Variants in FER1L6 observed in about 807,000 individuals in gnomAD.
FER1L6 encodes the protein fer-1 like family member 6.
FER1L6 carries 177 observed loss-of-function variants against 219.2 expected under a neutral mutation model. That is an observed-to-expected ratio of 0.81 (90% CI 0.71 to 0.91). The LOEUF is 0.91. Ranked by LOEUF, FER1L6 falls within the 40% of genes least tolerant of loss-of-function variation. The pLI is 0.00. For missense variants in FER1L6, 2,153 were observed against 2,259.9 expected (o/e 0.95, Z 0.96); for synonymous variants, 768 against 824.3 (o/e 0.93, Z 1.17).
At chr8:124,021,341 G>A (rs987268394) in intron 16 of FER1L6, among the ~76,000 whole-genome samples, 1 of 152,074 alleles carries the variant, frequency 6.6e-6, no homozygotes, top group African/African-American at 2.4e-5. Flanking sequence ...CTTCTCATCT[G>A]TCAAGCAGAG....
chr8:124,046,872 G>C (rs1262929616), intron 21 of FER1L6: 1 of 152,222 alleles, frequency 6.6e-6, no homozygotes, highest in Non-Finnish European at 1.5e-5. Context: ...ACTTTTGCCT[G>C]TACAGGTGGT....
rs1438702625 is a variant in FER1L6, at chr8:123,852,837, G to A, written c.-8+652G>A. Among the ~76,000 whole-genome samples the A allele has an allele frequency of 1.3e-5, 2 of 152,026 alleles. No individual in the cohort carries two copies. The highest frequency in any genetic ancestry group is 1.3e-4 in the Admixed American group (2 of 15,238). ...ATTTGGATTTCACAAGTTTTTCCACGAATGTCTTTTTCTGTTCTAGGAGCC... is the reference window on the plus strand; with the variant it reads ...ATTTGGATTTCACAAGTTTTTCCACAAATGTCTTTTTCTGTTCTAGGAGCC... On this transcript the variant is annotated intron_variant, in intron 1 of 40. Transcript: ENST00000522917. The surrounding 1 kb of genome is among the most constrained non-coding windows in gnomAD (Gnocchi z 4.9).
At chr8:123,937,807 G>T (rs1378644849) in intron 1 of FER1L6, among the ~76,000 whole-genome samples, 1 of 151,922 alleles carries the variant, frequency 6.6e-6, no homozygotes, top group Non-Finnish European at 1.5e-5. Flanking sequence ...TGATATCAAA[G>T]TAATTGATGG....
intron 20 of FER1L6, chr8:124,040,746 C>G (rs958810283): frequency 1.3e-5 from 2 of 152,408 alleles, no homozygotes; most frequent in African/African-American, 4.8e-5. Context: ...GTGGAGCATG[C>G]TAATATGCTC....
chr8:123,973,836 G>A (rs1319036086), intron 7 of FER1L6, among the ~76,000 whole-genome samples: 1 of 152,162 alleles, frequency 6.6e-6, no homozygotes. Context: ...CCCACTCTAT[G>A]TCCTAGCTGT....
chr8:123,982,678 C>A (rs1391887054), intron 11 of FER1L6, among the ~76,000 whole-genome samples: 2 of 152,328 alleles, frequency 1.3e-5, no homozygotes, highest in East Asian at 3.9e-4. Context: ...AATAGCATGG[C>A]TCAGTGGTTC....
chr8:124,051,025 A>G (rs1220908645), intron 22 of FER1L6, among the ~76,000 whole-genome samples: 1 of 152,222 alleles, frequency 6.6e-6, no homozygotes, highest in Non-Finnish European at 1.5e-5. Flanking sequence ...ACCAGAAGGC[A>G]AGCATTCCTA....
At position 124,061,950 on chromosome 8, in the gene FER1L6, C is replaced by G. The variant is rs1018228842; in HGVS notation, c.3246C>G (p.Ile1082Met). The G allele has an allele frequency of 6.2e-7, 1 of 1,614,084 alleles. No individual in the cohort carries two copies. The highest frequency in any genetic ancestry group is 2.2e-5 in the East Asian group (1 of 44,882). Reference protein sequence around the residue: ...GRSTLVGTYTINYLKQFLCKL... With the variant: ...GRSTLVGTYTMNYLKQFLCKL... ...GTACCCTTGTGGGCACCTACACCATCAACTACTTGAAGCAGTTTTTGTGTA... is the reference window on the plus strand; with the variant it reads ...GTACCCTTGTGGGCACCTACACCATGAACTACTTGAAGCAGTTTTTGTGTA... Residue 1082 changes from isoleucine to methionine, a missense_variant, in exon 25 of 41, where the codon ATC becomes ATG. Ile to Met is a conservative substitution (Grantham distance 10, BLOSUM62 1). Transcript: ENST00000522917.
chr8:124,069,566 CTTTG>C (rs962277183), intron 29 of FER1L6, 91 bp downstream of exon 29: 4 of 853,524 alleles, frequency 4.7e-6, no homozygotes, highest in Admixed American at 6.5e-5. Flanking sequence ...CTAGTCATGC[CTTTG>C]TTTGATATTT....
intron 39 of FER1L6, among the ~76,000 whole-genome samples, chr8:124,105,107 T>C (rs1822712639): frequency 6.6e-6 from 1 of 152,228 alleles, no homozygotes; most frequent in Non-Finnish European, 1.5e-5. Context: ...CTACTCACTA[T>C]GGTGGCAGGG....
At chr8:123,969,172 G>A (rs1416108968) in intron 5 of FER1L6, among the ~76,000 whole-genome samples, 1 of 152,186 alleles carries the variant, frequency 6.6e-6, no homozygotes, top group Non-Finnish European at 1.5e-5. Context: ...AATCTGGGTA[G>A]CATCTTTTAA....
chr8:124,033,478 C>T (rs1276010857), intron 18 of FER1L6, among the ~76,000 whole-genome samples: 1 of 151,852 alleles, frequency 6.6e-6, no homozygotes, highest in East Asian at 1.9e-4. Flanking sequence ...TTACCAACAA[C>T]AAAATAAACT....
intron 22 of FER1L6, among the ~76,000 whole-genome samples, chr8:124,054,988 A>G (rs923710708): frequency 6.6e-6 from 1 of 152,160 alleles, no homozygotes; most frequent in Non-Finnish European, 1.5e-5. Context: ...AGATAAAGGC[A>G]CCTTTAATCA....
rs529507806 is a variant in FER1L6 at position 123,926,688 on chromosome 8, T to C, written c.-7-29304T>C. Among the ~76,000 whole-genome samples the C allele has an allele frequency of 2.0e-5, 3 of 152,322 alleles. No individual in the cohort carries two copies. In the East Asian group the frequency reaches 5.8e-4, roughly 29 times the overall value. Reference sequence around the variant, plus strand: ...CACAACTCAGGCCCACAATCTCTTATTCACAATTCCAACATCCATACAGCT... The same window carrying C: ...CACAACTCAGGCCCACAATCTCTTACTCACAATTCCAACATCCATACAGCT... On this transcript the variant is annotated intron_variant, in intron 1 of 40. Transcript: ENST00000522917.
rs1816055368 is a variant in FER1L6, at chr8:123,976,035, G to A, written c.821G>A (p.Ser274Asn). The A allele has an allele frequency of 6.2e-7, 1 of 1,613,970 alleles. No individual in the cohort carries two copies. Among genetic ancestry groups the A allele is most frequent in the African/African-American group, 1.3e-5 (1 of 74,938 alleles). Residue 274 changes from serine to asparagine, a missense_variant, in exon 9 of 41, where the codon AGT (serine) becomes AAT (asparagine). Coordinates refer to ENST00000522917, the MANE Select transcript of FER1L6 (RefSeq NM_001039112.2). ...GTCACCAAGGCATTTGTGGGTGACA[G>A]TAAGGACCTGGTGGATCCCTTTGTG... is the stretch of plus-strand genomic sequence containing the variant. ...ANVTKAFVGDSKDLVDPFVEV... is the reference protein window; with the variant it reads ...ANVTKAFVGDNKDLVDPFVEV...
intron 1 of FER1L6, among the ~76,000 whole-genome samples, chr8:123,944,209 C>T (rs1814382526): frequency 6.6e-6 from 1 of 151,266 alleles, no homozygotes; most frequent in African/African-American, 2.4e-5. Context: ...GATGACTGTC[C>T]CAGAGCAACC....
Position 124,097,289 on chromosome 8 carries a change from G to T in FER1L6, c.4714G>T (p.Val1572Leu). 1 of 1,613,334 alleles carries T rather than the reference G, an allele frequency of 6.2e-7. No homozygotes were observed. The change falls in exon 36 of 41, where the codon GTG (valine) becomes TTG (leucine). Residue 1572 changes from valine (V) to leucine (L), a missense_variant. Val to Leu is a conservative substitution (Grantham distance 32, BLOSUM62 1). Coordinates refer to ENST00000522917, the MANE Select transcript of FER1L6 (RefSeq NM_001039112.2). ...GMEQGRLQMW[V>L]DMFPKDMPQP... is the part of the protein sequence containing the mutation. ...TAACAAGGGCCGCCTGCAGATGTGG[G>T]TGGACATGTTTCCCAAGGATATGCC...
At chr8:124,072,154 G>A (rs986160770) in intron 31 of FER1L6, among the ~76,000 whole-genome samples, 14 of 152,198 alleles carry the variant, frequency 9.2e-5, no homozygotes, top group Non-Finnish European at 2.9e-5. Context: ...GAACCAAATA[G>A]GAGGGAAGCA....
In FER1L6 at chr8:123,972,685, G is replaced by A. The variant is rs115257400; in HGVS notation, c.448-749G>A. Among the ~76,000 whole-genome samples, 563 of 152,306 alleles carry A rather than the reference G, an allele frequency of 3.7e-3. 4 individuals carry two copies. Among genetic ancestry groups the A allele is most frequent in the African/African-American group, 0.013 (536 of 41,566 alleles). ...ATTTGGGAACCATAGAGGGGGACTT[G>A]CTCTCTCTTCTGCATGACAGCATTT... On this transcript the variant is annotated intron_variant, in intron 6 of 40. Transcript: ENST00000522917.
Sources: allele counts gnomAD v4.1 joint callset (sites outside exome capture counted in the v4.1 genomes callset), GRCh38; gene constraint gnomAD v4.1.1; non-coding constraint Gnocchi (gnomAD v3.1); transcripts MANE v1.5; gene names NCBI Gene and HGNC (gene_info 2026-07-23, HGNC 2026-07-21).